The following TENM1 variants were observed in gnomAD, a reference collection of about 807,000 sequenced individuals.
The protein encoded by TENM1 is teneurin-1.
TENM1 carries 35 observed loss-of-function variants against 174.8 expected under a neutral mutation model. The observed-to-expected ratio is 0.20, with a 90% CI of 0.15 to 0.27. The LOEUF (loss-of-function observed/expected upper bound fraction) is 0.27. TENM1 is among the 10% of genes least tolerant of loss of function. The pLI is 1.00. For missense variants in TENM1, 1,633 were observed against 2,130.1 expected (o/e 0.77, Z 4.59); for synonymous variants, 781 against 798.7 (o/e 0.98, Z 0.37).
chrX:124,715,598 T>A (rs1314473297), intron 4 of TENM1, among the ~76,000 whole-genome samples: 1 of 110,469 alleles, frequency 9.1e-6, no homozygotes, highest in East Asian at 2.8e-4. Context: ...TCTTTTTTCA[T>A]CTTCTCTTTT....
chrX:124,621,278 C>A (rs1427677421), intron 11 of TENM1, among the ~76,000 whole-genome samples: 1 of 111,482 alleles, frequency 9.0e-6, no homozygotes, highest in Admixed American at 9.6e-5. Context: ...TTGAGACCAG[C>A]CTGGCCAACA....
chrX:125,028,772 C>A, the TENM1 span, among the ~76,000 whole-genome samples: 5,665 of 111,030 alleles, frequency 0.051, 333 homozygotes, highest in African/African-American at 0.17. Context: ...CAATAAAAAA[C>A]AAAGAAAAAT....
chrX:124,660,134 G>C (rs1373690336), intron 6 of TENM1, among the ~76,000 whole-genome samples: 1 of 111,007 alleles, frequency 9.0e-6, no homozygotes, highest in East Asian at 2.8e-4. Flanking sequence ...AATTGAACTG[G>C]GAGGCCGAGA....
At chrX:124,899,246 T>C (rs953567888) in intron 1 of TENM1, among the ~76,000 whole-genome samples, 2 of 111,813 alleles carry the variant, frequency 1.8e-5, no homozygotes, top group African/African-American at 6.5e-5. Context: ...AAGATAAAGT[T>C]CAGCAGCGTG....
At chrX:125,120,479 C>A in the TENM1 span, among the ~76,000 whole-genome samples, 11 of 110,201 alleles carry the variant, frequency 1.0e-4, no homozygotes, top group East Asian at 8.6e-4. Context: ...ACCTGCCCCC[C>A]ACACGGCCCC....
chrX:124,626,111 T>A (rs1185837704), intron 11 of TENM1, among the ~76,000 whole-genome samples: 1 of 111,171 alleles, frequency 9.0e-6, no homozygotes. Flanking sequence ...AATACACCCC[T>A]AGGAGTAGGG....
chrX:125,150,258 G>A, the TENM1 span, among the ~76,000 whole-genome samples: 1 of 112,029 alleles, frequency 8.9e-6, no homozygotes, highest in African/African-American at 3.2e-5. Flanking sequence ...CCCCTTCTTA[G>A]CTGTTCTAAA....
chrX:124,973,956 CG>C, the TENM1 span, among the ~76,000 whole-genome samples: 1 of 111,162 alleles, frequency 9.0e-6, no homozygotes, highest in South Asian at 3.8e-4. Context: ...TGGGACCTGT[CG>C]GGGGAGTGGG....
chrX:125,140,753 AGTT>A, the TENM1 span, among the ~76,000 whole-genome samples: 1 of 112,079 alleles, frequency 8.9e-6, no homozygotes, highest in Non-Finnish European at 1.9e-5. Flanking sequence ...ACATTTTAAA[AGTT>A]GTTGCAAAAG....
rs775859622 is a variant in TENM1, at chrX:124,675,603, G to GTT, written c.1016-3770_1016-3769dup. On this transcript the variant is annotated intron_variant, in intron 5 of 31. Coordinates refer to ENST00000422452, the Ensembl canonical transcript of TENM1. ...GAGTGCTTACTTTAAACCAGGCACT[G>GTT]TTTTTTTTTTTTTTTCTGAGTTTAC... Among the ~76,000 whole-genome samples, 609 of 90,791 alleles carry GTT rather than the reference G, an allele frequency of 6.7e-3. 6 individuals are homozygous for GTT. The highest frequency in any genetic ancestry group is 0.023 in the African/African-American group (578 of 25,367). 78.8% of individuals were successfully genotyped at this position (90,791 alleles called of 115,157 possible).
At chrX:125,158,343 C>A in the TENM1 span, among the ~76,000 whole-genome samples, 919 of 91,007 alleles carry the variant, frequency 0.01, 6 homozygotes, top group Non-Finnish European at 0.016. Context: ...GTGGAGGTTG[C>A]AGTGAGCCAA....
chrX:124,871,250 A>G (rs976139737), intron 3 of TENM1, among the ~76,000 whole-genome samples: 1 of 111,958 alleles, frequency 8.9e-6, no homozygotes, highest in Admixed American at 9.5e-5. Flanking sequence ...TAATAAGAAA[A>G]TATTTTAAAA....
At chrX:124,420,504 G>T (rs748945117) in exon 25 of TENM1, 1 of 1,211,980 alleles carries the variant, frequency 8.3e-7, no homozygotes, top group Non-Finnish European at 1.1e-6. Flanking sequence ...GCATCACGGC[G>T]AATGTGCACT....
the TENM1 span, among the ~76,000 whole-genome samples, chrX:125,174,865 G>A: frequency 1.8e-5 from 2 of 111,652 alleles, no homozygotes; most frequent in Non-Finnish European, 3.8e-5. Context: ...ACTGTGTAAC[G>A]TTACTCAAAT....
intron 22 of TENM1, among the ~76,000 whole-genome samples, chrX:124,462,314 G>T (rs925493734): frequency 9.1e-6 from 1 of 109,410 alleles, no homozygotes; most frequent in Non-Finnish European, 1.9e-5. Flanking sequence ...CTGGTTCCTT[G>T]AATCACTGCT....
At chrX:124,824,002 C>T (rs1239923885) in intron 3 of TENM1, among the ~76,000 whole-genome samples, 1 of 111,855 alleles carries the variant, frequency 8.9e-6, no homozygotes, top group Non-Finnish European at 1.9e-5. Flanking sequence ...TCAGCTAATA[C>T]TGCATAATGC....
At position 124,471,388 on chromosome X, in the gene TENM1, CTA is replaced by C. The variant is rs1416446633; in HGVS notation, c.3949+10342_3949+10343del. Among the ~76,000 whole-genome samples the C allele has an allele frequency of 5.7e-4, 14 of 24,438 alleles. 1 individual carries two copies. Among genetic ancestry groups the C allele is most frequent in the African/African-American group, 8.8e-4 (5 of 5,702 alleles). 21.2% of individuals were successfully genotyped at this position (24,438 alleles called of 115,157 possible). On this transcript the variant is annotated intron_variant, in intron 22 of 31. Transcript: ENST00000422452. ...GTACTATATATTATAATATATAGTACTATATATAATATATATTATAATATATA... is the reference window on the plus strand; with the variant it reads ...GTACTATATATTATAATATATAGTACTATATAATATATATTATAATATATA...
chrX:124,455,773 G>C (rs764257816), intron 22 of TENM1, among the ~76,000 whole-genome samples: 4 of 111,386 alleles, frequency 3.6e-5, no homozygotes, highest in Non-Finnish European at 7.5e-5. Flanking sequence ...AGTAAATTAA[G>C]GATATTAAAA....
intron 3 of TENM1, among the ~76,000 whole-genome samples, chrX:124,786,629 C>T: frequency 8.9e-6 from 1 of 111,952 alleles, no homozygotes; most frequent in Non-Finnish European, 1.9e-5. Context: ...CTTAATAGAA[C>T]CATATATATG....
Sources: allele counts gnomAD v4.1 joint callset (sites outside exome capture counted in the v4.1 genomes callset), GRCh38; gene constraint gnomAD v4.1.1; transcripts MANE v1.5; gene names NCBI Gene and HGNC (gene_info 2026-07-23, HGNC 2026-07-21).